CEP85: variants seen among roughly 807,000 people sequenced by gnomAD.
The protein encoded by CEP85 is centrosomal protein 85, also known as centrosomal protein of 85 kDa.
Under a neutral mutation model 93.7 loss-of-function variants are expected in CEP85, and 58 were observed. That is an observed-to-expected ratio of 0.62 (90% CI 0.50 to 0.77). CEP85 has a LOEUF of 0.77. Ranked by LOEUF, CEP85 falls within the 30% of genes least tolerant of loss-of-function variation. The pLI is 0.00. For synonymous variants in CEP85, 314 were observed against 338.6 expected, an observed-to-expected ratio of 0.93 and a Z score of 0.80; for missense variants, 868 against 922.0, an observed-to-expected ratio of 0.94 and a Z score of 0.76.
chr1:26,272,261 C>G (rs2089985907), intron 11 of CEP85, 190 bp downstream of exon 11: 2 of 612,402 alleles, frequency 3.3e-6, no homozygotes, highest in Admixed American at 2.7e-5. Flanking sequence ...CAGCACAGTA[C>G]TGTGAGAGCA....
intron 3 of CEP85, among the ~76,000 whole-genome samples, chr1:26,252,922 T>C (rs1031703752): frequency 1.3e-5 from 2 of 152,206 alleles, no homozygotes; most frequent in African/African-American, 4.8e-5. Flanking sequence ...CAGCTTCTGG[T>C]AACCACAATT....
At chr1:26,252,641 A>T (rs1389855806) in intron 3 of CEP85, among the ~76,000 whole-genome samples, 1 of 152,236 alleles carries the variant, frequency 6.6e-6, no homozygotes, top group Non-Finnish European at 1.5e-5. Flanking sequence ...GTGAGACATC[A>T]GAAACTGGGT....
chr1:26,274,877 C>A, intron 11 of CEP85, 87 bp from the exon 12 acceptor site: 1 of 1,042,636 alleles, frequency 9.6e-7, no homozygotes, highest in South Asian at 1.5e-5. Context: ...TGAGTCGTCA[C>A]TATATAGTCC....
In CEP85 at chr1:26,255,679, A is replaced by G. The variant is rs780165101; in HGVS notation, c.717A>G (p.Gly239=). ...PGSGAVFERN[G]PHSNSSGVLP... is the part of the protein sequence containing the mutation. ...GCGGGGCAGTGTTTGAGCGGAATGGACCACATTCTAATAGCAGTGGGGTCC... is the reference window on the plus strand; with the variant it reads ...GCGGGGCAGTGTTTGAGCGGAATGGGCCACATTCTAATAGCAGTGGGGTCC... Residue 239 remains glycine (G), a synonymous_variant, in exon 4 of 14, where the codon GGA becomes GGG. Transcript: ENST00000451429. 4 of 1,613,922 alleles carry G rather than the reference A, an allele frequency of 2.5e-6. No homozygotes were observed. The highest frequency in any genetic ancestry group is 1.3e-5 in the African/African-American group (1 of 74,848).
chr1:26,244,277 G>A lies in CEP85; in HGVS notation c.167G>A (p.Gly56Glu). ...FSRCSSVADS[G>E]DTAIGTSCSD... ...CGCTGTTCAAGTGTAGCCGACAGTG[G>A]GGACACAGCCATTGGTACATCATGC... is the stretch of plus-strand genomic sequence containing the variant. The change falls in exon 3 of 14, where the codon GGG becomes GAG. Residue 56 changes from glycine (G) to glutamate (E), a missense_variant. By Grantham distance (98) the Gly-to-Glu change is moderately conservative. Coordinates refer to ENST00000451429, the MANE Select transcript of CEP85 (RefSeq NM_001319944.2). 6.2e-7 allele frequency: 1 copy of A among 1,614,006 alleles called. No individual in the cohort carries two copies. Among genetic ancestry groups the A allele is most frequent in the South Asian group, 1.1e-5 (1 of 91,068 alleles).
At chr1:26,243,858 C>T (rs532654551) in intron 2 of CEP85, among the ~76,000 whole-genome samples, 3 of 151,650 alleles carry the variant, frequency 2.0e-5, no homozygotes, top group Non-Finnish European at 4.4e-5. Flanking sequence ...ATTAACTGGG[C>T]GTGGTGGTGG....
In CEP85 at chr1:26,276,557, T is replaced by TAA. The variant is rs2090055069; in HGVS notation, c.1925_1926insAA (p.Ile643ArgfsTer6). ...CAGCTTTCAGTGCAAAACCAGGACT[T>TAA]GATTGAGAAGAATCTGACACTCCAG... On this transcript the variant is annotated frameshift_variant, in exon 13 of 14. Coordinates refer to ENST00000451429, the MANE Select transcript of CEP85 (RefSeq NM_001319944.2). LOFTEE classifies it high-confidence loss of function. 1 of 1,614,078 alleles carries TAA rather than the reference T, an allele frequency of 6.2e-7. No individual in the cohort carries two copies. Among genetic ancestry groups the TAA allele is most frequent in the African/African-American group, 1.3e-5 (1 of 74,926 alleles).
intron 13 of CEP85, 46 bp downstream of exon 13, chr1:26,276,806 TTCTC>T (rs2090060101): frequency 7.0e-7 from 1 of 1,430,050 alleles, no homozygotes; most frequent in Non-Finnish European, 9.7e-7. Flanking sequence ...GGGTCCTTCT[TTCTC>T]TTCTCTCCCC....
In CEP85 at chr1:26,255,303, C is replaced by T; in HGVS notation, c.341C>T (p.Ser114Phe). 1 of 1,614,188 alleles carries T rather than the reference C, an allele frequency of 6.2e-7. No homozygotes were observed. The highest frequency in any genetic ancestry group is 8.5e-7 in the Non-Finnish European group (1 of 1,180,036). Residue 114 changes from serine (S) to phenylalanine (F), a missense_variant, in exon 4 of 14, where the codon TCT becomes TTT. Ser to Phe is a radical substitution (Grantham distance 155). Coordinates refer to ENST00000451429, the MANE Select transcript of CEP85 (RefSeq NM_001319944.2). ...AKPNSTPVGP[S>F]SSKLPLSGLA... Reference sequence around the variant, plus strand: ...CCAAATTCTACACCTGTTGGACCCTCTTCCTCTAAACTCCCTTTGTCAGGG... The same window carrying T: ...CCAAATTCTACACCTGTTGGACCCTTTTCCTCTAAACTCCCTTTGTCAGGG...
chr1:26,255,124 A>C, intron 3 of CEP85, 47 bp from the exon 4 acceptor site: 1 of 1,493,718 alleles, frequency 6.7e-7, no homozygotes, highest in Non-Finnish European at 9.3e-7. Context: ...AACTCAAGAA[A>C]GCTTGCTACT....
chr1:26,272,186 A>G, intron 11 of CEP85, 115 bp downstream of exon 11: 1 of 974,864 alleles, frequency 1.0e-6, no homozygotes, highest in Non-Finnish European at 1.6e-6. Flanking sequence ...AGGGATACAA[A>G]AAGAATGAGA....
chr1:26,255,328 G>C lies in CEP85; in HGVS notation c.366G>C (p.Gly122=). The C allele has an allele frequency of 6.2e-7, 1 of 1,614,128 alleles. No homozygotes were observed. Among genetic ancestry groups the C allele is most frequent in the South Asian group, 1.1e-5 (1 of 91,070 alleles). ...CTTCCTCTAAACTCCCTTTGTCAGG[G>C]TTGGCTGAAAGTGTGGGAATGACAA... ...GPSSSKLPLS[G]LAESVGMTRN... Residue 122 remains glycine (G), a synonymous_variant, in exon 4 of 14, where the codon GGG becomes GGC. Coordinates refer to ENST00000451429, the MANE Select transcript of CEP85 (RefSeq NM_001319944.2).
At chr1:26,268,058 C>G (rs1327640196) in intron 7 of CEP85, among the ~76,000 whole-genome samples, 5 of 152,214 alleles carry the variant, frequency 3.3e-5, no homozygotes, top group African/African-American at 9.7e-5. Context: ...TTTGAAAGTT[C>G]ATTAATTCTT....
At chr1:26,245,406 C>G (rs1175992920) in intron 3 of CEP85, among the ~76,000 whole-genome samples, 1 of 152,026 alleles carries the variant, frequency 6.6e-6, no homozygotes, top group Non-Finnish European at 1.5e-5. Context: ...CGATGCCTGC[C>G]TCCTCTTGCC....
intron 11 of CEP85, among the ~76,000 whole-genome samples, chr1:26,273,987 T>G (rs759553729): frequency 6.7e-6 from 1 of 149,912 alleles, no homozygotes; most frequent in Admixed American, 6.7e-5. Flanking sequence ...ATAGTCACTT[T>G]GGCTATTTCA....
intron 7 of CEP85, among the ~76,000 whole-genome samples, chr1:26,267,790 C>T (rs148461592): frequency 8.3e-4 from 127 of 152,304 alleles, no homozygotes; most frequent in Non-Finnish European, 1.6e-3. Flanking sequence ...TCACCCGTCC[C>T]TCTGCCTTCC....
intron 2 of CEP85, among the ~76,000 whole-genome samples, chr1:26,242,685 G>A (rs1277132881): frequency 6.6e-6 from 1 of 152,014 alleles, no homozygotes; most frequent in African/African-American, 2.4e-5. Context: ...TCATTTAGTG[G>A]GAGCAATCAT....
intron 1 of CEP85, among the ~76,000 whole-genome samples, chr1:26,238,416 G>A (rs1237270880): frequency 1.3e-5 from 2 of 151,628 alleles, no homozygotes; most frequent in Non-Finnish European, 2.9e-5. Context: ...GGCTGGTCTC[G>A]AACTCCTGAC....
intron 7 of CEP85, among the ~76,000 whole-genome samples, chr1:26,267,838 G>C (rs1285169643): frequency 6.6e-6 from 1 of 152,056 alleles, no homozygotes; most frequent in Non-Finnish European, 1.5e-5. Context: ...GATTTTTCTG[G>C]TGATCTGCAT....
Sources: allele counts gnomAD v4.1 joint callset (sites outside exome capture counted in the v4.1 genomes callset), GRCh38; gene constraint gnomAD v4.1.1; transcripts MANE v1.5; gene names NCBI Gene and HGNC (gene_info 2026-07-23, HGNC 2026-07-21).